The following KIAA1217 variants were observed in gnomAD, a reference collection of about 807,000 sequenced individuals.
KIAA1217 encodes KIAA1217, also known as sickle tail protein homolog.
In KIAA1217, 88 loss-of-function variants were observed where a neutral mutation model predicts 163.9. That is an observed-to-expected ratio of 0.54 (90% CI 0.45 to 0.64). The LOEUF is 0.64. Ranked by LOEUF, KIAA1217 falls within the 30% of genes least tolerant of loss-of-function variation. The probability of loss-of-function intolerance (pLI) is 0.00; values close to 1 mark genes in which losing one functional copy is unlikely to be tolerated. For missense variants in KIAA1217, 2,372 were observed against 2,475.0 expected (o/e 0.96, Z 0.88); for synonymous variants, 903 against 923.1 (o/e 0.98, Z 0.39).
chr10:23,757,783 G>T (rs1011078476), intron 1 of KIAA1217, among the ~76,000 whole-genome samples: 1 of 152,164 alleles, frequency 6.6e-6, no homozygotes, highest in Non-Finnish European at 1.5e-5. Context: ...TTCCCAAAGT[G>T]CTGGGATTAC....
chr10:24,415,958 G>A (rs969745830), intron 3 of KIAA1217, among the ~76,000 whole-genome samples: 1 of 152,302 alleles, frequency 6.6e-6, no homozygotes, highest in African/African-American at 2.4e-5. Context: ...CCCAGGGAGG[G>A]GAGTGGGCAG....
At chr10:24,152,919 A>C (rs148762057) in intron 2 of KIAA1217, among the ~76,000 whole-genome samples, 56 of 152,330 alleles carry the variant, frequency 3.7e-4, no homozygotes, top group African/African-American at 1.3e-3. Context: ...ATAGAAGAGC[A>C]ACAAAATCCA....
At chr10:24,174,810 A>C (rs2065792257) in intron 2 of KIAA1217, among the ~76,000 whole-genome samples, 1 of 152,084 alleles carries the variant, frequency 6.6e-6, no homozygotes, top group Non-Finnish European at 1.5e-5. Context: ...ATTTTGGTGC[A>C]CCCATCACTG....
intron 8 of KIAA1217, among the ~76,000 whole-genome samples, chr10:24,498,346 C>T (rs2067085572): frequency 6.6e-6 from 1 of 152,116 alleles, no homozygotes; most frequent in Admixed American, 6.6e-5. Context: ...AAAGAAGTGG[C>T]TGACAAAGCT....
chr10:24,150,030 T>A (rs577619722), intron 2 of KIAA1217, among the ~76,000 whole-genome samples: 102 of 152,312 alleles, frequency 6.7e-4, no homozygotes, highest in African/African-American at 2.4e-3. Context: ...CTTTTTCTTT[T>A]TTTTGAGATG....
chr10:23,960,059 G>A (rs1173158400), intron 1 of KIAA1217, among the ~76,000 whole-genome samples: 2 of 151,768 alleles, frequency 1.3e-5, no homozygotes, highest in Non-Finnish European at 2.9e-5. Flanking sequence ...GCAACTACAG[G>A]CGCCTGCCAC....
chr10:23,786,703 T>C (rs1835510993), intron 1 of KIAA1217, among the ~76,000 whole-genome samples: 1 of 152,168 alleles, frequency 6.6e-6, no homozygotes, highest in African/African-American at 2.4e-5. Flanking sequence ...GATTGAAAAT[T>C]ATTTAGCCAG....
At chr10:24,044,037 G>T (rs1220065282) in intron 2 of KIAA1217, among the ~76,000 whole-genome samples, 1 of 152,018 alleles carries the variant, frequency 6.6e-6, no homozygotes, top group African/African-American at 2.4e-5. Flanking sequence ...GGGATTTTTT[G>T]AGTTTCTCTG....
chr10:23,980,176 C>T (rs1401936414), intron 1 of KIAA1217, among the ~76,000 whole-genome samples: 1 of 152,104 alleles, frequency 6.6e-6, no homozygotes, highest in Admixed American at 6.5e-5. Context: ...GACTTCACTC[C>T]GTGTCTAATG....
At chr10:24,503,272 C>T (rs2067907961) in intron 9 of KIAA1217, among the ~76,000 whole-genome samples, 1 of 152,218 alleles carries the variant, frequency 6.6e-6, no homozygotes, top group South Asian at 2.1e-4. Context: ...GCTCTGATCT[C>T]CAAAGGCTAC....
intron 2 of KIAA1217, among the ~76,000 whole-genome samples, chr10:24,302,610 A>G (rs746931706): frequency 6.6e-6 from 1 of 152,204 alleles, no homozygotes; most frequent in South Asian, 2.1e-4. Flanking sequence ...TACCTGCCTT[A>G]TTAGTGCCAG....
chr10:23,918,494 T>C (rs1414851041), intron 1 of KIAA1217, among the ~76,000 whole-genome samples: 2 of 152,150 alleles, frequency 1.3e-5, no homozygotes, highest in African/African-American at 4.8e-5. Flanking sequence ...TGCAGTCTGC[T>C]GCAGTGCTGG....
At chr10:24,444,828 C>T (rs748046038) in intron 5 of KIAA1217, among the ~76,000 whole-genome samples, 1 of 152,044 alleles carries the variant, frequency 6.6e-6, no homozygotes, top group Non-Finnish European at 1.5e-5. Flanking sequence ...AATTTGTGGC[C>T]CACCCACAGC....
chr10:24,322,051 C>T (rs541264221), intron 2 of KIAA1217, among the ~76,000 whole-genome samples: 26 of 152,204 alleles, frequency 1.7e-4, no homozygotes, highest in South Asian at 6.2e-4. Context: ...CAGGTTCACG[C>T]GATTCTCCCA....
chr10:24,507,833 A>G (rs955996226), intron 9 of KIAA1217, among the ~76,000 whole-genome samples: 1 of 152,182 alleles, frequency 6.6e-6, no homozygotes, highest in African/African-American at 2.4e-5. Flanking sequence ...AACCAGAGAT[A>G]AATGGAAAAA....
intron 2 of KIAA1217, among the ~76,000 whole-genome samples, chr10:24,089,678 ATGC>A (rs2061849685): frequency 6.6e-6 from 1 of 151,872 alleles, no homozygotes; most frequent in Non-Finnish European, 1.5e-5. Context: ...TACCAGTACC[ATGC>A]TGTTTTGGTT....
chr10:24,292,025 A>G (rs1025121146), intron 2 of KIAA1217, among the ~76,000 whole-genome samples: 1 of 152,236 alleles, frequency 6.6e-6, no homozygotes, highest in African/African-American at 2.4e-5. Context: ...TAAAAATTCA[A>G]TAATACTTGA....
chr10:24,437,920 A>AG (rs1443162759), intron 4 of KIAA1217, among the ~76,000 whole-genome samples: 1 of 149,482 alleles, frequency 6.7e-6, no homozygotes, highest in African/African-American at 2.4e-5. Context: ...AAAAAAAAAA[A>AG]AAAAAGAAAA....
chr10:24,153,484 G>C (rs1160368905), intron 2 of KIAA1217, among the ~76,000 whole-genome samples: 4 of 152,142 alleles, frequency 2.6e-5, no homozygotes, highest in Non-Finnish European at 5.9e-5. Flanking sequence ...TTAGTTTTAA[G>C]AAGGTACCTT....
Sources: gnomAD v4.1 joint callset for allele counts (sites outside exome capture counted in the v4.1 genomes callset) on GRCh38, gnomAD v4.1.1 for gene constraint, MANE v1.5 for transcripts, NCBI Gene and HGNC (gene_info 2026-07-23, HGNC 2026-07-21) for gene names.